Variants in ZBTB46 observed in about 807,000 individuals in gnomAD.
ZBTB46 encodes zinc finger and BTB domain containing 46.
A neutral mutation model predicts 44.1 loss-of-function variants in ZBTB46; 8 were observed. The ratio of observed to expected loss-of-function variants is 0.18; its 90% CI spans 0.11 to 0.33. The LOEUF is 0.33. Among genes scored for constraint, ZBTB46 ranks in the 10% least tolerant of loss-of-function variants. The pLI is 1.00. For synonymous variants in ZBTB46, 409 were observed against 382.3 expected, an observed-to-expected ratio of 1.07 and a Z score of -0.81; for missense variants, 651 against 847.7, an observed-to-expected ratio of 0.77 and a Z score of 2.88.
intron 3 of ZBTB46, among the ~76,000 whole-genome samples, chr20:63,771,084 G>A (rs980535654): frequency 1.0e-5 from 1 of 99,430 alleles, no homozygotes; most frequent in Non-Finnish European, 2.1e-5. Flanking sequence ...GGGGCTACTC[G>A]CCCTCCCAGG....
intron 1 of ZBTB46, among the ~76,000 whole-genome samples, chr20:63,806,239 TA>T (rs1333950091): frequency 7.0e-6 from 1 of 142,808 alleles, no homozygotes; most frequent in East Asian, 2.5e-4. Context: ...CCGTCTCTAC[TA>T]AAAGTTAAAA....
intron 1 of ZBTB46, among the ~76,000 whole-genome samples, chr20:63,801,483 A>C (rs2092644323): frequency 6.6e-6 from 1 of 152,194 alleles, no homozygotes; most frequent in Admixed American, 6.5e-5. Flanking sequence ...TAAGGGAATA[A>C]GAGCAGGCTG....
chr20:63,767,698 G>A lies in ZBTB46; in HGVS notation c.1222+7980C>T, dbSNP rs925953608. Among the ~76,000 whole-genome samples the A allele has an allele frequency of 3.3e-5, 5 of 152,218 alleles. No individual in the cohort carries two copies. The highest frequency in any genetic ancestry group is 1.3e-4 in the Admixed American group (2 of 15,282). On this transcript the variant is annotated intron_variant, in intron 3 of 4. Coordinates refer to ENST00000245663, the MANE Select transcript of ZBTB46 (RefSeq NM_001369741.1). The surrounding 1 kb of genome is among the most constrained non-coding windows in gnomAD (Gnocchi z 5.0). ...CACTTCCAGCAGGGGAGGTGCCTTCGCTGCTGTCACTTGCTTCACAGAGCT... is the reference window on the plus strand; with the variant it reads ...CACTTCCAGCAGGGGAGGTGCCTTCACTGCTGTCACTTGCTTCACAGAGCT...
intron 1 of ZBTB46, among the ~76,000 whole-genome samples, chr20:63,814,348 C>T (rs2092735867): frequency 2.0e-5 from 3 of 152,114 alleles, no homozygotes; most frequent in South Asian, 4.1e-4. Context: ...AGCCAGGCGA[C>T]GTGGACGTTC....
chr20:63,805,388 G>C (rs1224324317), intron 1 of ZBTB46, among the ~76,000 whole-genome samples: 2 of 152,154 alleles, frequency 1.3e-5, no homozygotes, highest in Admixed American at 1.3e-4. Context: ...TTGAGCCCAG[G>C]AGTTGCAGGC....
chr20:63,814,088 C>T (rs1377094285), intron 1 of ZBTB46, among the ~76,000 whole-genome samples: 1 of 150,750 alleles, frequency 6.6e-6, no homozygotes, highest in African/African-American at 2.5e-5. Flanking sequence ...CAAAAATTAG[C>T]CGGGCATGGC....
At chr20:63,789,096 C>T (rs1485881750) in intron 2 of ZBTB46, among the ~76,000 whole-genome samples, 42 of 150,480 alleles carry the variant, frequency 2.8e-4, no homozygotes, top group Non-Finnish European at 3.0e-5. Flanking sequence ...GGATTACAGG[C>T]GTGAGCCACC....
At chr20:63,766,407 G>A (rs1012629950) in intron 3 of ZBTB46, among the ~76,000 whole-genome samples, 3 of 151,644 alleles carry the variant, frequency 2.0e-5, no homozygotes, top group Non-Finnish European at 2.9e-5. Flanking sequence ...GTAGAGATAC[G>A]ATTTCGCCAT....
At chr20:63,830,586 G>C (rs1486839842) in intron 1 of ZBTB46, among the ~76,000 whole-genome samples, 2 of 150,212 alleles carry the variant, frequency 1.3e-5, no homozygotes, top group African/African-American at 4.9e-5. Context: ...TGGCAAACTC[G>C]GCGCGGGCGG....
At chr20:63,829,064 AC>A (rs1156493284) in intron 1 of ZBTB46, among the ~76,000 whole-genome samples, 1 of 152,036 alleles carries the variant, frequency 6.6e-6, no homozygotes, top group African/African-American at 2.4e-5. Flanking sequence ...ACAACTGTGT[AC>A]CCCCCACGGC....
intron 1 of ZBTB46, among the ~76,000 whole-genome samples, chr20:63,812,457 C>A (rs914864782): frequency 6.6e-6 from 1 of 151,714 alleles, no homozygotes; most frequent in African/African-American, 2.4e-5. Context: ...GCCTGGCCAA[C>A]ATGGTAAAAC....
At chr20:63,750,734 A>G (rs552163380) in intron 4 of ZBTB46, among the ~76,000 whole-genome samples, 29 of 152,146 alleles carry the variant, frequency 1.9e-4, no homozygotes, top group Non-Finnish European at 2.8e-4. Flanking sequence ...GCGAAATCCC[A>G]TCACCACAAA....
intron 1 of ZBTB46, among the ~76,000 whole-genome samples, chr20:63,811,727 G>A (rs889364080): frequency 6.6e-6 from 1 of 152,082 alleles, no homozygotes; most frequent in South Asian, 2.1e-4. Flanking sequence ...AGCTGCTGCT[G>A]TCTGACTCCC....
intron 1 of ZBTB46, among the ~76,000 whole-genome samples, chr20:63,818,918 T>C (rs1402269680): frequency 1.4e-5 from 2 of 147,548 alleles, no homozygotes; most frequent in Non-Finnish European, 3.0e-5. Flanking sequence ...CTCAAGCCTG[T>C]AATCCCAGCA....
intron 1 of ZBTB46, among the ~76,000 whole-genome samples, chr20:63,798,674 C>CAAAAAAAAAAAAAAAAA (rs71197435): frequency 5.3e-5 from 1 of 18,746 alleles, no homozygotes; most frequent in Non-Finnish European, 8.1e-5. Flanking sequence ...GACTCTGTCT[C>CAAAAAAAAAAAAAAAAA]AAAAAAAAAA....
intron 1 of ZBTB46, among the ~76,000 whole-genome samples, chr20:63,815,430 GGCACAGGTGCAGGTGA>G (rs34034752): frequency 4.9e-4 from 72 of 147,766 alleles, no homozygotes; most frequent in African/African-American, 1.7e-3. Context: ...GGTGCAGGTG[GGCACAGGTGCAGGTGA>G]GCACAGGTGC....
intron 3 of ZBTB46, chr20:63,775,448 G>A (rs2092416669): frequency 6.4e-6 from 3 of 465,154 alleles, no homozygotes; most frequent in Non-Finnish European, 1.1e-5. Context: ...CCTGCCCGCC[G>A]CGCTCACAAC....
chr20:63,820,084 G>GT (rs1245697077), intron 1 of ZBTB46, among the ~76,000 whole-genome samples: 6 of 152,118 alleles, frequency 3.9e-5, no homozygotes, highest in Admixed American at 6.6e-5. Context: ...CATAAAAACA[G>GT]TAAACAGGCA....
intron 2 of ZBTB46, among the ~76,000 whole-genome samples, chr20:63,776,596 G>C (rs985997539): frequency 2.6e-5 from 4 of 152,158 alleles, no homozygotes; most frequent in Non-Finnish European, 5.9e-5. Context: ...CTGAGGTCAG[G>C]AGTTCAAGGC....
Sources: allele counts gnomAD v4.1 joint callset (sites outside exome capture counted in the v4.1 genomes callset), GRCh38; gene constraint gnomAD v4.1.1; non-coding constraint Gnocchi (gnomAD v3.1); transcripts MANE v1.5; gene names NCBI Gene and HGNC (gene_info 2026-07-23, HGNC 2026-07-21).